The following ENPP1 variants were observed in gnomAD, a reference collection of about 807,000 sequenced individuals.
ENPP1 encodes the protein ectonucleotide pyrophosphatase/phosphodiesterase 1, also known as ectonucleotide pyrophosphatase/phosphodiesterase family member 1.
In ENPP1, 73 loss-of-function variants were observed where a neutral mutation model predicts 122.8. The ratio of observed to expected loss-of-function variants is 0.59; its 90% CI spans 0.49 to 0.72. ENPP1 has a LOEUF of 0.72. Among genes scored for constraint, ENPP1 ranks in the 30% least tolerant of loss-of-function variants. ENPP1 has a pLI of 0.00. For synonymous variants in ENPP1, 367 were observed against 391.6 expected, an observed-to-expected ratio of 0.94 and a Z score of 0.74; for missense variants, 978 against 1,128.1, an observed-to-expected ratio of 0.87 and a Z score of 1.91.
chr6:131,861,008 G>C (rs1782016810), intron 8 of ENPP1, among the ~76,000 whole-genome samples: 1 of 151,996 alleles, frequency 6.6e-6, no homozygotes, highest in Non-Finnish European at 1.5e-5. Context: ...AATTATATAA[G>C]GTCTATTTAA....
rs1401796068 is a variant in ENPP1, at chr6:131,845,103, G to C, written c.241-2673G>C. The stretch of plus-strand genomic sequence containing the variant: ...AGACAGAGTTTCACTGTGTCGCCCA[G>C]GCTGGAGTGCAGTGGTGCGATCTTG... On this transcript the variant is annotated intron_variant, in intron 1 of 24. Transcript: ENST00000647893. Among the ~76,000 whole-genome samples, 6 of 132,404 alleles carry C rather than the reference G, an allele frequency of 4.5e-5. No homozygotes were observed. In the East Asian group the frequency reaches 1.4e-3, roughly 31 times the overall value. The allele number at this position is 132,404 out of a possible 152,430, so 86.9% of individuals were successfully genotyped here.
intron 21 of ENPP1, 114 bp from the exon 22 acceptor site, chr6:131,883,580 A>C: frequency 1.6e-6 from 1 of 630,154 alleles, no homozygotes; most frequent in Non-Finnish European, 2.9e-6. Context: ...AAAGTTTTAC[A>C]GGTTTAAGAT....
At chr6:131,815,024 G>C (rs1192079407) in intron 1 of ENPP1, among the ~76,000 whole-genome samples, 1 of 152,110 alleles carries the variant, frequency 6.6e-6, no homozygotes, top group Non-Finnish European at 1.5e-5. Flanking sequence ...GGTCTGTGAT[G>C]GTCAGGAATC....
intron 16 of ENPP1, among the ~76,000 whole-genome samples, chr6:131,874,757 C>G (rs1408518822): frequency 2.0e-5 from 3 of 151,956 alleles, no homozygotes; most frequent in Non-Finnish European, 4.4e-5. Flanking sequence ...TATCGCAGCA[C>G]TATTCACAGA....
rs553576368 is a variant in ENPP1, at chr6:131,888,020, C to T, written c.2607+1296C>T. On this transcript the variant is annotated intron_variant, in intron 24 of 24. Transcript: ENST00000647893. ...GGATTACAGGCACCTGCCACCCATGCCCAGCTAATTTTTGTATTTTTAGTG... is the reference window on the plus strand; with the variant it reads ...GGATTACAGGCACCTGCCACCCATGTCCAGCTAATTTTTGTATTTTTAGTG... Among the ~76,000 whole-genome samples, 14 of 151,740 alleles carry T rather than the reference C, an allele frequency of 9.2e-5. No individual in the cohort carries two copies. In the East Asian group the frequency reaches 2.5e-3, roughly 27 times the overall value.
At chr6:131,870,940 G>A (rs1782154240) in intron 13 of ENPP1, among the ~76,000 whole-genome samples, 1 of 152,118 alleles carries the variant, frequency 6.6e-6, no homozygotes, top group Non-Finnish European at 1.5e-5. Context: ...TCTGAGCGTG[G>A]TGGCATGTGC....
At chr6:131,890,071 GAAGTT>G (rs1032717172) in intron 24 of ENPP1, among the ~76,000 whole-genome samples, 3 of 151,986 alleles carry the variant, frequency 2.0e-5, no homozygotes, top group African/African-American at 7.2e-5. Flanking sequence ...CCACGCCATT[GAAGTT>G]TCTTAAACCT....
intron 1 of ENPP1, among the ~76,000 whole-genome samples, chr6:131,832,573 GGTCATCA>G (rs1189781099): frequency 6.6e-6 from 1 of 152,178 alleles, no homozygotes; most frequent in East Asian, 1.9e-4. Flanking sequence ...TTCAGCACCT[GGTCATCA>G]GCTCTGTAAA....
At chr6:131,818,886 A>C (rs1360636814) in intron 1 of ENPP1, among the ~76,000 whole-genome samples, 1 of 152,122 alleles carries the variant, frequency 6.6e-6, no homozygotes, top group African/African-American at 2.4e-5. Flanking sequence ...TTTTATTTAG[A>C]CTTATTTATT....
At chr6:131,878,474 C>G (rs367912883) in intron 18 of ENPP1, 68 bp from the exon 19 acceptor site, 1 of 891,078 alleles carries the variant, frequency 1.1e-6, no homozygotes, top group African/African-American at 1.6e-5. Flanking sequence ...CAATCTATAG[C>G]GGTTCTATGT....
chr6:131,889,206 G>A (rs1782427227), intron 24 of ENPP1, among the ~76,000 whole-genome samples: 1 of 152,168 alleles, frequency 6.6e-6, no homozygotes, highest in South Asian at 2.1e-4. Flanking sequence ...GATTGTCACA[G>A]AACCAGCCTC....
chr6:131,819,805 A>G, intron 1 of ENPP1: 1 of 396,334 alleles, frequency 2.5e-6, no homozygotes, highest in East Asian at 6.5e-5. Flanking sequence ...GCAGACATTT[A>G]CCTTCCTCAT....
At chr6:131,870,035 A>T (rs1467366085) in intron 13 of ENPP1, among the ~76,000 whole-genome samples, 1 of 152,174 alleles carries the variant, frequency 6.6e-6, no homozygotes, top group Non-Finnish European at 1.5e-5. Flanking sequence ...TGGACTAAGC[A>T]TAATATTTGA....
chr6:131,809,060 T>C lies in ENPP1; in HGVS notation c.240+785T>C, dbSNP rs1781317084. Among the ~76,000 whole-genome samples the C allele has an allele frequency of 2.6e-5, 4 of 152,304 alleles. 1 individual carries two copies. In the South Asian group the frequency reaches 8.3e-4, roughly 32 times the overall value. On this transcript the variant is annotated intron_variant, in intron 1 of 24. Transcript: ENST00000647893. ...TGTTATTATTTGCTGAGGCCTTGCG[T>C]AACTGTCCCTAAACCTCAATTTCTA...
rs1471470033 is a variant in ENPP1 at position 131,891,381 on chromosome 6, T to C, written c.*870T>C. The C allele has an allele frequency of 6.6e-6, 1 of 152,170 alleles. No homozygotes were observed. The highest frequency in any genetic ancestry group is 1.5e-5 in the Non-Finnish European group (1 of 68,036). The allele number at this position is 152,170 out of a possible 1,614,324, so 9.4% of individuals were successfully genotyped here. On this transcript the variant is annotated 3_prime_UTR_variant, in exon 25 of 25. Coordinates refer to ENST00000647893, the MANE Select transcript of ENPP1 (RefSeq NM_006208.3). ...TTATTGAGATGCTTAGAATGTTTCTTTCTGTGCACAAGACTTACCCTACCA... is the reference window on the plus strand; with the variant it reads ...TTATTGAGATGCTTAGAATGTTTCTCTCTGTGCACAAGACTTACCCTACCA...
chr6:131,875,642 C>T, intron 16 of ENPP1, 134 bp from the exon 17 acceptor site: 1 of 719,980 alleles, frequency 1.4e-6, no homozygotes, highest in Non-Finnish European at 2.5e-6. Context: ...CCCACAAAGT[C>T]CACTGAGCGT....
intron 20 of ENPP1, among the ~76,000 whole-genome samples, chr6:131,880,894 G>A (rs1437444345): frequency 6.6e-6 from 1 of 152,074 alleles, no homozygotes; most frequent in African/African-American, 2.4e-5. Flanking sequence ...AAGGAGTGAG[G>A]GCAAATATCC....
In ENPP1 at chr6:131,882,340, T is replaced by C; in HGVS notation, c.2101-5T>C. ...CTGAGAGTTCTTCTCATTTTCGTTC[T>C]TCAGGACAGTTTCTCTACGGAAGAC... On this transcript the variant is annotated splice_region_variant and splice_polypyrimidine_tract_variant and intron_variant, in intron 20 of 24. Transcript: ENST00000647893. 1 of 1,597,544 alleles carries C rather than the reference T, an allele frequency of 6.3e-7. No individual in the cohort carries two copies. The highest frequency in any genetic ancestry group is 8.6e-7 in the Non-Finnish European group (1 of 1,169,400).
chr6:131,827,266 TG>T, intron 1 of ENPP1: 1 of 1,249,386 alleles, frequency 8.0e-7, no homozygotes. Context: ...GATAGGAATA[TG>T]GAGAAGCGTC....
Sources: gnomAD v4.1 joint callset for allele counts (sites outside exome capture counted in the v4.1 genomes callset) on GRCh38, gnomAD v4.1.1 for gene constraint, MANE v1.5 for transcripts, NCBI Gene and HGNC (gene_info 2026-07-23, HGNC 2026-07-21) for gene names.